Variants in BBOX1 observed in about 807,000 individuals in gnomAD.
BBOX1 encodes gamma-butyrobetaine hydroxylase 1.
BBOX1 carries 35 observed loss-of-function variants against 41.6 expected under a neutral mutation model. That is an observed-to-expected ratio of 0.84 (90% CI 0.64 to 1.11). The LOEUF (loss-of-function observed/expected upper bound fraction) is 1.11, where lower values mean the gene tolerates loss of function less well. Among genes scored for constraint, BBOX1 ranks in the 50% most tolerant of loss-of-function variants. The pLI is 0.00. For missense variants in BBOX1, 458 were observed against 460.6 expected (o/e 0.99, Z 0.05); for synonymous variants, 163 against 154.7 (o/e 1.05, Z -0.40).
At chr11:27,048,006 T>C (rs1047098285) in intron 2 of BBOX1, among the ~76,000 whole-genome samples, 3 of 152,174 alleles carry the variant, frequency 2.0e-5, no homozygotes, top group Non-Finnish European at 4.4e-5. Flanking sequence ...ATAAAAGTTG[T>C]AAACATAATG....
rs148974885 is a variant in BBOX1, at chr11:27,064,027, T to C, written c.334+6712T>C. 6.3e-3 allele frequency among the ~76,000 whole-genome samples: 956 copies of C among 152,332 alleles called. 13 individuals are homozygous for C. The highest frequency in any genetic ancestry group is 0.022 in the African/African-American group (902 of 41,582). ...TGTGTTTTTCTTAATTCAATTAATG[T>C]ACAAAAGAAATATGCCTCGCCCATG... On this transcript the variant is annotated intron_variant, in intron 4 of 8. Transcript: ENST00000263182.
intron 5 of BBOX1, 68 bp downstream of exon 5, chr11:27,093,434 G>C (rs1031111212): frequency 2.7e-6 from 4 of 1,484,704 alleles, no homozygotes; most frequent in African/African-American, 1.4e-5. Context: ...AACTGAGGAC[G>C]ACCGCCTTGA....
chr11:27,078,934 C>T (rs778520056), intron 4 of BBOX1, among the ~76,000 whole-genome samples: 4 of 152,114 alleles, frequency 2.6e-5, no homozygotes, highest in Non-Finnish European at 5.9e-5. Context: ...ACTGTAAGTA[C>T]TTAGCACAGT....
chr11:27,047,830 CAT>C (rs1401894314), intron 2 of BBOX1, among the ~76,000 whole-genome samples: 1 of 151,896 alleles, frequency 6.6e-6, no homozygotes, highest in East Asian at 1.9e-4. Flanking sequence ...CAGTAAGTGG[CAT>C]AAAGAAAGCA....
chr11:27,068,855 A>G (rs1857363734), intron 4 of BBOX1, among the ~76,000 whole-genome samples: 1 of 151,866 alleles, frequency 6.6e-6, no homozygotes, highest in Admixed American at 6.6e-5. Context: ...ATAGTTTTGT[A>G]TGTTTTGTCA....
intron 5 of BBOX1, among the ~76,000 whole-genome samples, chr11:27,102,247 T>C (rs1356562902): frequency 2.0e-5 from 3 of 152,088 alleles, no homozygotes; most frequent in Non-Finnish European, 4.4e-5. Context: ...GTGAATACCA[T>C]AAAATTTAGG....
chr11:27,054,839 CGCAATATTCTGAATTGAAGAAACAGT>C (rs1856930845), intron 2 of BBOX1, among the ~76,000 whole-genome samples: 1 of 152,078 alleles, frequency 6.6e-6, no homozygotes, highest in South Asian at 2.1e-4. Flanking sequence ...ACAGAAACAG[CGCAATATTCTGAATTGAAGAAACAGT>C]GCAATATTCT....
At chr11:27,089,323 C>T (rs1460446737) in intron 4 of BBOX1, among the ~76,000 whole-genome samples, 1 of 151,892 alleles carries the variant, frequency 6.6e-6, no homozygotes, top group East Asian at 1.9e-4. Context: ...TTGCAGAAAG[C>T]CCTATTGGAC....
At chr11:27,073,733 T>TA (rs1182530669) in intron 4 of BBOX1, among the ~76,000 whole-genome samples, 3 of 152,164 alleles carry the variant, frequency 2.0e-5, no homozygotes, top group South Asian at 2.1e-4. Context: ...TATGCAGCCA[T>TA]AAAAAAGGAT....
intron 5 of BBOX1, 58 bp from the exon 6 acceptor site, chr11:27,115,394 T>C (rs1056154249): frequency 8.2e-6 from 11 of 1,347,450 alleles, no homozygotes; most frequent in Non-Finnish European, 3.1e-6. Flanking sequence ...TTCATTCTAA[T>C]GCATTTCCTC....
intron 2 of BBOX1, among the ~76,000 whole-genome samples, chr11:27,048,656 G>T (rs955215950): frequency 1.5e-4 from 23 of 151,536 alleles, no homozygotes; most frequent in Non-Finnish European, 2.8e-4. Flanking sequence ...GAATAATGCT[G>T]CTATGAACAT....
intron 6 of BBOX1, among the ~76,000 whole-genome samples, chr11:27,116,964 A>G (rs1303394813): frequency 1.3e-5 from 2 of 152,046 alleles, no homozygotes; most frequent in African/African-American, 4.8e-5. Flanking sequence ...GGAAATGCTC[A>G]GTGTGAAGCC....
At chr11:27,108,271 A>G (rs1295892845) in intron 5 of BBOX1, among the ~76,000 whole-genome samples, 1 of 152,110 alleles carries the variant, frequency 6.6e-6, no homozygotes, top group African/African-American at 2.4e-5. Context: ...GTTTTTGGCT[A>G]GAGTAAAATT....
At chr11:27,069,132 TGATAGGC>T (rs768806872) in intron 4 of BBOX1, among the ~76,000 whole-genome samples, 1 of 152,128 alleles carries the variant, frequency 6.6e-6, no homozygotes, top group Non-Finnish European at 1.5e-5. Flanking sequence ...GTTGATATTT[TGATAGGC>T]ATTGGCTTGA....
chr11:27,070,329 G>A (rs1157699645), intron 4 of BBOX1, among the ~76,000 whole-genome samples: 1 of 152,044 alleles, frequency 6.6e-6, no homozygotes, highest in Non-Finnish European at 1.5e-5. Flanking sequence ...TTCTGTCTCA[G>A]TGATCTGTTT....
intron 7 of BBOX1, among the ~76,000 whole-genome samples, chr11:27,124,511 T>C (rs183542254): frequency 1.3e-5 from 2 of 152,138 alleles, no homozygotes; most frequent in African/African-American, 4.8e-5. Flanking sequence ...GTGCTTTCCT[T>C]ATTTATTTAT....
intron 4 of BBOX1, among the ~76,000 whole-genome samples, chr11:27,065,499 C>G (rs1271250685): frequency 1.3e-5 from 2 of 152,134 alleles, no homozygotes; most frequent in Non-Finnish European, 2.9e-5. Flanking sequence ...TGACTGTAAA[C>G]CTACCAGGGG....
At chr11:27,072,421 A>C (rs1857484769) in intron 4 of BBOX1, among the ~76,000 whole-genome samples, 1 of 152,196 alleles carries the variant, frequency 6.6e-6, no homozygotes, top group African/African-American at 2.4e-5. Context: ...GAAATAAAAG[A>C]GGACACAAAG....
intron 6 of BBOX1, among the ~76,000 whole-genome samples, chr11:27,116,222 C>G (rs1198492281): frequency 6.6e-6 from 1 of 151,678 alleles, no homozygotes; most frequent in Non-Finnish European, 1.5e-5. Flanking sequence ...AACACAGGAA[C>G]AGAAAATCAA....
Sources: gnomAD v4.1 joint callset for allele counts (sites outside exome capture counted in the v4.1 genomes callset) on GRCh38, gnomAD v4.1.1 for gene constraint, MANE v1.5 for transcripts, NCBI Gene and HGNC (gene_info 2026-07-23, HGNC 2026-07-21) for gene names.